Variants in TTC29 observed in about 807,000 individuals in gnomAD.
TTC29 encodes the protein tetratricopeptide repeat protein 29.
A neutral mutation model predicts 58.1 loss-of-function variants in TTC29; 49 were observed. The ratio of observed to expected loss-of-function variants is 0.84; its 90% CI spans 0.67 to 1.07. TTC29 has a LOEUF of 1.07. Ranked by LOEUF, TTC29 falls within the 50% of genes least tolerant of loss-of-function variation. TTC29 has a pLI of 0.00. For missense variants in TTC29, 582 were observed against 555.6 expected (o/e 1.05, Z -0.48); for synonymous variants, 209 against 196.8 (o/e 1.06, Z -0.52).
intron 5 of TTC29, among the ~76,000 whole-genome samples, chr4:146,905,401 T>C (rs920728313): frequency 6.7e-6 from 1 of 150,282 alleles, no homozygotes; most frequent in African/African-American, 2.4e-5. Flanking sequence ...AACCTTAATG[T>C]AAAAATATTT....
chr4:146,825,859 C>T lies in TTC29; in HGVS notation c.978-5611G>A, dbSNP rs142797260. Among the ~76,000 whole-genome samples, 51 of 151,910 alleles carry T rather than the reference C, an allele frequency of 3.4e-4. 1 individual carries two copies. The East Asian group carries it at 7.0e-3, about 21-fold the overall frequency. ...TTGTTCCCTTTACCATTATGTAATGCTCTTCTTTGTCTTTTTGGATCGTTG... is the reference window on the plus strand; with the variant it reads ...TTGTTCCCTTTACCATTATGTAATGTTCTTCTTTGTCTTTTTGGATCGTTG... On this transcript the variant is annotated intron_variant, in intron 9 of 12. Coordinates refer to ENST00000325106, the MANE Select transcript of TTC29 (RefSeq NM_031956.4).
chr4:146,866,249 A>C (rs72958268), intron 8 of TTC29, among the ~76,000 whole-genome samples: 1 of 152,124 alleles, frequency 6.6e-6, no homozygotes, highest in Non-Finnish European at 1.5e-5. Context: ...GTTTTCACCT[A>C]ATTTTCCAAT....
chr4:146,820,045 A>G, intron 10 of TTC29, 80 bp downstream of exon 10: 1 of 1,557,110 alleles, frequency 6.4e-7, no homozygotes, highest in Non-Finnish European at 8.8e-7. Flanking sequence ...CAAGGATGAC[A>G]TGAGAAGATA....
intron 10 of TTC29, among the ~76,000 whole-genome samples, chr4:146,810,413 T>C (rs1197703548): frequency 1.3e-5 from 2 of 151,998 alleles, no homozygotes; most frequent in African/African-American, 2.4e-5. Context: ...ATAAAAAAAG[T>C]CTTATGTTCT....
At chr4:146,930,777 T>C (rs951640311) in intron 4 of TTC29, among the ~76,000 whole-genome samples, 3 of 152,218 alleles carry the variant, frequency 2.0e-5, no homozygotes, top group African/African-American at 7.2e-5. Flanking sequence ...GGCTGGATCA[T>C]TGTTTATCCC....
At chr4:146,763,148 C>T (rs1282341526) in intron 11 of TTC29, among the ~76,000 whole-genome samples, 1 of 152,088 alleles carries the variant, frequency 6.6e-6, no homozygotes, top group Non-Finnish European at 1.5e-5. Flanking sequence ...TCTTTAGCCA[C>T]ACTGAATTCA....
Position 146,707,485 on chromosome 4 carries a change from C to T in TTC29, c.1397G>A (p.Arg466Lys). ...QNSERLEELS[R>K]FPGDQKNET ...AAACTTTTTACTTGATTTATCATACCTACTGAGTTCTTCCAAACGTTCTGA... is the reference window on the plus strand; with the variant it reads ...AAACTTTTTACTTGATTTATCATACTTACTGAGTTCTTCCAAACGTTCTGA... Residue 466 changes from arginine to lysine, a missense_variant and splice_region_variant, in exon 12 of 13, where the codon AGG (arginine) becomes AAG (lysine). Transcript: ENST00000325106. The T allele has an allele frequency of 1.2e-6, 2 of 1,607,688 alleles. No homozygotes were observed. The highest frequency in any genetic ancestry group is 1.7e-6 in the Non-Finnish European group (2 of 1,176,172).
intron 11 of TTC29, among the ~76,000 whole-genome samples, chr4:146,740,920 A>G (rs1269086535): frequency 1.3e-5 from 2 of 152,026 alleles, no homozygotes; most frequent in Non-Finnish European, 1.5e-5. Flanking sequence ...TATTTTAGAG[A>G]CAAGGTTTCA....
Position 146,728,856 on chromosome 4 carries a change from TAC to T in TTC29, c.1331-21307_1331-21306del, listed in dbSNP as rs1277518754. Among the ~76,000 whole-genome samples, 20 of 61,770 alleles carry T rather than the reference TAC, an allele frequency of 3.2e-4. 3 individuals carry two copies. The highest frequency in any genetic ancestry group is 4.1e-4 in the Admixed American group (2 of 4,864). 40.5% of individuals were successfully genotyped at this position (61,770 alleles called of 152,430 possible). A position where few individuals can be genotyped will look rare whatever the true frequency, so the allele number is the denominator to read the frequency against. The stretch of plus-strand genomic sequence containing the variant: ...ATATACACATATATATGTATATATA[TAC>T]ACATATATATGTGTGTGTATATATA... On this transcript the variant is annotated intron_variant, in intron 11 of 12. Transcript: ENST00000325106.
At chr4:146,725,035 A>G (rs1743666739) in intron 11 of TTC29, among the ~76,000 whole-genome samples, 1 of 152,204 alleles carries the variant, frequency 6.6e-6, no homozygotes, top group Non-Finnish European at 1.5e-5. Flanking sequence ...AATGAATACT[A>G]GCTTTGGAAG....
chr4:146,723,242 C>T (rs1344531306), intron 11 of TTC29, among the ~76,000 whole-genome samples: 2 of 148,338 alleles, frequency 1.3e-5, no homozygotes, highest in Middle Eastern at 3.4e-3. Flanking sequence ...AGCAAAACTC[C>T]GTCAAAAAAA....
At chr4:146,835,536 G>T (rs1728452421) in intron 8 of TTC29, among the ~76,000 whole-genome samples, 1 of 151,676 alleles carries the variant, frequency 6.6e-6, no homozygotes, top group Non-Finnish European at 1.5e-5. Context: ...TAGTTCATTT[G>T]TTTTTTTTCA....
intron 8 of TTC29, among the ~76,000 whole-genome samples, chr4:146,838,928 G>A (rs1461296062): frequency 1.3e-5 from 2 of 151,928 alleles, no homozygotes; most frequent in Non-Finnish European, 1.5e-5. Flanking sequence ...AAATCACTAT[G>A]AGAACTATCA....
At chr4:146,816,496 G>T (rs886374442) in intron 10 of TTC29, among the ~76,000 whole-genome samples, 1 of 152,036 alleles carries the variant, frequency 6.6e-6, no homozygotes, top group Admixed American at 6.6e-5. Flanking sequence ...GGCAGGGGAG[G>T]ACTCGAAAAA....
intron 8 of TTC29, among the ~76,000 whole-genome samples, chr4:146,858,906 C>T (rs1316117221): frequency 6.6e-6 from 1 of 152,104 alleles, no homozygotes; most frequent in Non-Finnish European, 1.5e-5. Context: ...TCCTCTCACT[C>T]CAAAGAGTTG....
chr4:146,727,237 C>T (rs1012973409), intron 11 of TTC29, among the ~76,000 whole-genome samples: 1 of 152,056 alleles, frequency 6.6e-6, no homozygotes, highest in Non-Finnish European at 1.5e-5. Context: ...CGGTTTACAG[C>T]AAAACTGAGC....
intron 11 of TTC29, among the ~76,000 whole-genome samples, chr4:146,780,390 T>C (rs1226782325): frequency 6.6e-6 from 1 of 151,546 alleles, no homozygotes; most frequent in Admixed American, 6.6e-5. Flanking sequence ...GTAAATGTTC[T>C]TATTTTTTAA....
At chr4:146,837,548 AT>A (rs1383560682) in intron 8 of TTC29, among the ~76,000 whole-genome samples, 1 of 152,170 alleles carries the variant, frequency 6.6e-6, no homozygotes, top group Non-Finnish European at 1.5e-5. Context: ...AGGCAACTTT[AT>A]CTGCTTAAAG....
At chr4:146,754,751 T>C (rs548944313) in intron 11 of TTC29, among the ~76,000 whole-genome samples, 6 of 152,142 alleles carry the variant, frequency 3.9e-5, no homozygotes, top group African/African-American at 1.4e-4. Flanking sequence ...CAACTGTTTG[T>C]GTATAGAAGG....
Sources: allele counts gnomAD v4.1 joint callset (sites outside exome capture counted in the v4.1 genomes callset), GRCh38; gene constraint gnomAD v4.1.1; transcripts MANE v1.5; gene names NCBI Gene and HGNC (gene_info 2026-07-23, HGNC 2026-07-21).